Variants in LIN28B observed in about 807,000 individuals in gnomAD.
LIN28B encodes the protein lin-28 RNA binding posttranscriptional regulator B, also known as protein lin-28 homolog B.
Under a neutral mutation model 21.9 loss-of-function variants are expected in LIN28B, and 5 were observed. That is an observed-to-expected ratio of 0.23 (90% CI 0.12 to 0.48). The LOEUF (loss-of-function observed/expected upper bound fraction) is 0.48, where lower values mean the gene tolerates loss of function less well. Ranked by LOEUF, LIN28B falls within the 20% of genes least tolerant of loss-of-function variation. The pLI is 0.98. For missense variants in LIN28B, 245 were observed against 310.5 expected (o/e 0.79, Z 1.58); for synonymous variants, 109 against 111.3 (o/e 0.98, Z 0.13).
intron 2 of LIN28B, among the ~76,000 whole-genome samples, chr6:104,945,250 A>G (rs1268890518): frequency 1.3e-5 from 2 of 152,090 alleles, no homozygotes; most frequent in Non-Finnish European, 2.9e-5. Flanking sequence ...TTTATTTGCT[A>G]TTACATTTAT....
At chr6:104,974,488 CAAAAAAA>C (rs375405881) in intron 2 of LIN28B, among the ~76,000 whole-genome samples, 11 of 65,040 alleles carry the variant, frequency 1.7e-4, no homozygotes, top group East Asian at 4.4e-4. Context: ...GACTCCATCT[CAAAAAAA>C]AAAAAAAAAG....
intron 3 of LIN28B, among the ~76,000 whole-genome samples, chr6:105,060,826 A>G (rs1772110949): frequency 6.6e-6 from 1 of 152,228 alleles, no homozygotes; most frequent in Admixed American, 6.5e-5. Flanking sequence ...GACCTTGAAG[A>G]GATGAGTTGA....
At chr6:105,024,714 G>A (rs1771251930) in intron 2 of LIN28B, among the ~76,000 whole-genome samples, 1 of 152,124 alleles carries the variant, frequency 6.6e-6, no homozygotes, top group Admixed American at 6.6e-5. Context: ...TTCATGGGCT[G>A]TCTTGCTTTC....
intron 2 of LIN28B, among the ~76,000 whole-genome samples, chr6:104,996,510 G>A (rs1770608379): frequency 6.6e-6 from 1 of 152,192 alleles, no homozygotes; most frequent in Non-Finnish European, 1.5e-5. Flanking sequence ...ACAGTGATAA[G>A]TGAAGAGAAG....
At chr6:105,004,090 A>C (rs1694732568) in intron 2 of LIN28B, among the ~76,000 whole-genome samples, 1 of 152,188 alleles carries the variant, frequency 6.6e-6, no homozygotes, top group Non-Finnish European at 1.5e-5. Flanking sequence ...CATCCAGCAC[A>C]GGAGAAAGAT....
chr6:105,047,185 A>T (rs997110214), intron 3 of LIN28B, among the ~76,000 whole-genome samples: 22 of 152,146 alleles, frequency 1.4e-4, no homozygotes, highest in Non-Finnish European at 1.9e-4. Flanking sequence ...ATATTGAATT[A>T]ATTTTTGTAT....
upstream of LIN28B, among the ~76,000 whole-genome samples, chr6:104,955,415 A>G (rs1262065822): frequency 6.6e-6 from 1 of 150,894 alleles, no homozygotes; most frequent in Non-Finnish European, 1.5e-5. Context: ...GGAATAACAG[A>G]CAAAAAAAAA....
At chr6:105,030,211 A>G (rs1480652337) in intron 3 of LIN28B, among the ~76,000 whole-genome samples, 1 of 152,234 alleles carries the variant, frequency 6.6e-6, no homozygotes, top group African/African-American at 2.4e-5. Context: ...TATTCAATAA[A>G]CATAGAGACT....
At chr6:105,038,315 A>G (rs929005780) in intron 3 of LIN28B, among the ~76,000 whole-genome samples, 3 of 152,180 alleles carry the variant, frequency 2.0e-5, no homozygotes, top group Non-Finnish European at 4.4e-5. Context: ...CTTGCAGGGA[A>G]TTCCAAAAAG....
At chr6:104,977,808 C>G (rs1770131905) in intron 2 of LIN28B, among the ~76,000 whole-genome samples, 1 of 152,080 alleles carries the variant, frequency 6.6e-6, no homozygotes, top group Non-Finnish European at 1.5e-5. Context: ...CCTCATGATA[C>G]CCCCGCCTTG....
intron 2 of LIN28B, among the ~76,000 whole-genome samples, chr6:105,012,642 G>A (rs1330142879): frequency 6.6e-6 from 1 of 152,108 alleles, no homozygotes; most frequent in Non-Finnish European, 1.5e-5. Context: ...CTATTATGAT[G>A]TGTATCCCAG....
At chr6:104,943,287 A>G (rs1403231927) in intron 2 of LIN28B, among the ~76,000 whole-genome samples, 3 of 152,142 alleles carry the variant, frequency 2.0e-5, no homozygotes, top group African/African-American at 4.8e-5. Flanking sequence ...AATGCTTGGT[A>G]TCTGATCTGG....
rs575160017 is a variant in LIN28B at position 105,065,540 on chromosome 6, C to T, written c.384-12874C>T. Among the ~76,000 whole-genome samples, 5 of 152,354 alleles carry T rather than the reference C, an allele frequency of 3.3e-5. No homozygotes were observed. The East Asian group carries it at 9.7e-4, about 29-fold the overall frequency. The stretch of plus-strand genomic sequence containing the variant: ...AAATGGACAGAGGTCATTTACTTCT[C>T]ATTTATACTTCATCGTTTTCCTCAG... On this transcript the variant is annotated intron_variant, in intron 3 of 3. Coordinates refer to ENST00000345080, the MANE Select transcript of LIN28B (RefSeq NM_001004317.4).
chr6:105,060,603 C>T (rs1772106751), intron 3 of LIN28B, among the ~76,000 whole-genome samples: 1 of 152,148 alleles, frequency 6.6e-6, no homozygotes, highest in Non-Finnish European at 1.5e-5. Flanking sequence ...AATCTACTCC[C>T]AAATAGACAG....
At chr6:105,024,959 G>T (rs1166621329) in intron 2 of LIN28B, among the ~76,000 whole-genome samples, 1 of 152,048 alleles carries the variant, frequency 6.6e-6, no homozygotes, top group Non-Finnish European at 1.5e-5. Context: ...TTAGTTTTGT[G>T]GGAGTTGGGG....
chr6:105,031,728 A>G (rs1047610296), intron 3 of LIN28B, among the ~76,000 whole-genome samples: 1 of 151,858 alleles, frequency 6.6e-6, no homozygotes, highest in Non-Finnish European at 1.5e-5. Flanking sequence ...GTAGAGACGG[A>G]GTTTCACCGT....
At chr6:104,996,690 T>C (rs1770612958) in intron 2 of LIN28B, among the ~76,000 whole-genome samples, 1 of 152,206 alleles carries the variant, frequency 6.6e-6, no homozygotes, top group African/African-American at 2.4e-5. Flanking sequence ...CTTTGGAATA[T>C]CCTTCATGTA....
chr6:104,996,658 G>T (rs536611265), intron 2 of LIN28B, among the ~76,000 whole-genome samples: 1 of 152,114 alleles, frequency 6.6e-6, no homozygotes, highest in Non-Finnish European at 1.5e-5. Context: ...AAACCAGGTC[G>T]TATATGGTTT....
At chr6:105,057,272 T>C (rs1022692787) in intron 3 of LIN28B, among the ~76,000 whole-genome samples, 1 of 152,224 alleles carries the variant, frequency 6.6e-6, no homozygotes, top group Non-Finnish European at 1.5e-5. Flanking sequence ...GGATCTGGTC[T>C]CTAAGGTCTT....
Sources: allele counts gnomAD v4.1 joint callset (sites outside exome capture counted in the v4.1 genomes callset), GRCh38; gene constraint gnomAD v4.1.1; transcripts MANE v1.5; gene names NCBI Gene and HGNC (gene_info 2026-07-23, HGNC 2026-07-21).